Variants in RAPH1 observed in about 807,000 individuals in gnomAD.
RAPH1 encodes ras-associated and pleckstrin homology domains-containing protein 1.
RAPH1 carries 18 observed loss-of-function variants against 88.1 expected under a neutral mutation model. That is an observed-to-expected ratio of 0.20 (90% CI 0.14 to 0.30). The LOEUF (loss-of-function observed/expected upper bound fraction) is 0.30, where lower values mean the gene tolerates loss of function less well. Among genes scored for constraint, RAPH1 ranks in the 10% least tolerant of loss-of-function variants. The pLI is 1.00. For missense variants in RAPH1, 1,448 were observed against 1,543.2 expected (o/e 0.94, Z 1.03); for synonymous variants, 587 against 559.0 (o/e 1.05, Z -0.71).
chr2:203,450,755 A>G (rs955440731), intron 10 of RAPH1, among the ~76,000 whole-genome samples: 6 of 152,260 alleles, frequency 3.9e-5, no homozygotes, highest in Admixed American at 1.3e-4. Context: ...CAGAGATCTC[A>G]GCAAGCTGCT....
At chr2:203,491,579 GCCA>G (rs1688270319) in intron 2 of RAPH1, among the ~76,000 whole-genome samples, 1 of 151,966 alleles carries the variant, frequency 6.6e-6, no homozygotes, top group Non-Finnish European at 1.5e-5. Flanking sequence ...TAAGTGCCGT[GCCA>G]CAAGCTTGGC....
At chr2:203,462,130 A>G (rs1049585834) in intron 4 of RAPH1, among the ~76,000 whole-genome samples, 1 of 152,254 alleles carries the variant, frequency 6.6e-6, no homozygotes, top group African/African-American at 2.4e-5. Flanking sequence ...ATGTCTTACA[A>G]TAGGCATTTC....
intron 4 of RAPH1, among the ~76,000 whole-genome samples, chr2:203,464,504 C>T (rs1320556832): frequency 6.6e-6 from 1 of 152,254 alleles, no homozygotes; most frequent in East Asian, 1.9e-4. Context: ...CTCCTGACCT[C>T]AGGTGATCTA....
At chr2:203,442,798 TG>T (rs1315353313) in intron 13 of RAPH1, 1 of 152,234 alleles carries the variant, frequency 6.6e-6, no homozygotes, top group African/African-American at 2.4e-5. Context: ...CAGAACATTT[TG>T]GGTCTGTGAT....
In RAPH1 at chr2:203,491,292, G is replaced by T; in HGVS notation, c.148C>A (p.Pro50Thr). 1.2e-6 allele frequency: 2 copies of T among 1,612,890 alleles called. No individual in the cohort carries two copies. The highest frequency in any genetic ancestry group is 2.7e-5 in the African/African-American group (2 of 74,940). The stretch of plus-strand genomic sequence containing the variant: ...TGGCGAAGAGGAGATCTTTTTACTG[G>T]TTCCATGGGCTTGTCAGAATCCAAA... ...QSLDSDKPMEPVKRSPLRQET... is the reference protein window; with the variant it reads ...QSLDSDKPMETVKRSPLRQET... Residue 50 changes from proline (P) to threonine (T), a missense_variant, in exon 3 of 14, where the codon CCA becomes ACA. This residue lies in a region of RAPH1 where 513 missense variants were observed against 653.1 expected (regional missense o/e 0.79). Coordinates refer to ENST00000319170, the MANE Select transcript of RAPH1 (RefSeq NM_213589.3).
chr2:203,491,007 G>A (rs1423548540), intron 3 of RAPH1, among the ~76,000 whole-genome samples: 1 of 139,028 alleles, frequency 7.2e-6, no homozygotes, highest in Admixed American at 7.7e-5. Flanking sequence ...CTGTGCCACT[G>A]AACTCCAGCC....
At chr2:203,517,709 A>C (rs1689679584) in intron 1 of RAPH1, among the ~76,000 whole-genome samples, 1 of 152,196 alleles carries the variant, frequency 6.6e-6, no homozygotes, top group African/African-American at 2.4e-5. Context: ...ATCAGTCACA[A>C]ACATAATTGA....
At chr2:203,475,685 C>G (rs1401110196) in intron 4 of RAPH1, among the ~76,000 whole-genome samples, 1 of 150,392 alleles carries the variant, frequency 6.6e-6, no homozygotes, top group Non-Finnish European at 1.5e-5. Flanking sequence ...TCTGCTATCA[C>G]TTATAACATG....
At chr2:203,442,841 T>C (rs1460096043) in intron 13 of RAPH1, 2 of 152,204 alleles carry the variant, frequency 1.3e-5, no homozygotes, top group African/African-American at 4.8e-5. Flanking sequence ...CATAACTAGG[T>C]TCTATAACTT....
chr2:203,485,579 A>C (rs1687931583), intron 4 of RAPH1, among the ~76,000 whole-genome samples: 1 of 152,176 alleles, frequency 6.6e-6, no homozygotes, highest in African/African-American at 2.4e-5. Flanking sequence ...TCTATATTTA[A>C]TTCTTAATCC....
chr2:203,455,075 C>A (rs1364897260), intron 9 of RAPH1, among the ~76,000 whole-genome samples: 2 of 152,056 alleles, frequency 1.3e-5, no homozygotes, highest in Non-Finnish European at 2.9e-5. Flanking sequence ...CCAGGGTGGC[C>A]CTTAGCAGAA....
chr2:203,524,909 A>G (rs907316595), intron 1 of RAPH1, among the ~76,000 whole-genome samples: 5 of 152,216 alleles, frequency 3.3e-5, no homozygotes, highest in Non-Finnish European at 7.3e-5. Context: ...CAAGCAACCT[A>G]AAAGACTTCA....
At chr2:203,457,246 G>A (rs1017148386) in intron 8 of RAPH1, among the ~76,000 whole-genome samples, 8 of 152,008 alleles carry the variant, frequency 5.3e-5, no homozygotes, top group African/African-American at 1.9e-4. Context: ...GGAATGCAGT[G>A]GTGCAATCTC....
At position 203,515,964 on chromosome 2, in the gene RAPH1, A is replaced by G. The variant is rs570485208; in HGVS notation, c.-1+19147T>C. 2.6e-5 allele frequency among the ~76,000 whole-genome samples: 4 copies of G among 152,368 alleles called. No homozygotes were observed. The East Asian group carries it at 5.8e-4, about 22-fold the overall frequency. Reference sequence around the variant, plus strand: ...CATCAAAGAAGAAATCAGTGAAGGTATAACTTTTACTCTTCTTAATTGATC... The same window carrying G: ...CATCAAAGAAGAAATCAGTGAAGGTGTAACTTTTACTCTTCTTAATTGATC... On this transcript the variant is annotated intron_variant, in intron 1 of 13. Coordinates refer to ENST00000319170, the MANE Select transcript of RAPH1 (RefSeq NM_213589.3).
At chr2:203,524,286 C>T (rs527923889) in intron 1 of RAPH1, among the ~76,000 whole-genome samples, 82 of 152,150 alleles carry the variant, frequency 5.4e-4, no homozygotes, top group African/African-American at 1.8e-3. Flanking sequence ...ACTGACAATA[C>T]CAAGTCTTAG....
At chr2:203,534,714 G>A (rs1306008742) in intron 1 of RAPH1, among the ~76,000 whole-genome samples, 1 of 152,174 alleles carries the variant, frequency 6.6e-6, no homozygotes, top group Non-Finnish European at 1.5e-5. Context: ...CAAGCAACCC[G>A]ACATCCAGTA....
intron 7 of RAPH1, among the ~76,000 whole-genome samples, chr2:203,458,556 A>C: frequency 6.6e-6 from 1 of 152,170 alleles, no homozygotes; most frequent in East Asian, 1.9e-4. Context: ...TTGTACTTTA[A>C]ATAATCTCTA....
At chr2:203,507,240 G>A (rs1689133229) in intron 1 of RAPH1, among the ~76,000 whole-genome samples, 1 of 151,674 alleles carries the variant, frequency 6.6e-6, no homozygotes, top group East Asian at 1.9e-4. Context: ...CAGTAAAGAA[G>A]AAAGCTCTTA....
chr2:203,508,779 T>C lies in RAPH1; in HGVS notation c.1-13426A>G, dbSNP rs553770960. On this transcript the variant is annotated intron_variant, in intron 1 of 13. Transcript: ENST00000319170. Reference sequence around the variant, plus strand: ...ATTAGGAAAACAGTGTGTTAACAAATAGATCATCTAAATTTCAGAAATAAA... The same window carrying C: ...ATTAGGAAAACAGTGTGTTAACAAACAGATCATCTAAATTTCAGAAATAAA... Among the ~76,000 whole-genome samples, 3 of 152,184 alleles carry C rather than the reference T, an allele frequency of 2.0e-5. No individual in the cohort carries two copies. In the East Asian group the frequency reaches 5.8e-4, roughly 29 times the overall value.
Sources: allele counts gnomAD v4.1 joint callset (sites outside exome capture counted in the v4.1 genomes callset), GRCh38; gene constraint gnomAD v4.1.1; regional missense constraint gnomAD v4.1.1; transcripts MANE v1.5; gene names NCBI Gene and HGNC (gene_info 2026-07-23, HGNC 2026-07-21).